The following MYO6 variants were observed in gnomAD, a reference collection of about 807,000 sequenced individuals.
The protein encoded by MYO6 is myosin VI.
MYO6 carries 74 observed loss-of-function variants against 178.7 expected under a neutral mutation model. The observed-to-expected ratio is 0.41, with a 90% CI of 0.34 to 0.50. MYO6 has a LOEUF of 0.50. Ranked by LOEUF, MYO6 falls within the 20% of genes least tolerant of loss-of-function variation. MYO6 has a pLI of 0.09. For missense variants in MYO6, 1,330 were observed against 1,547.4 expected, an observed-to-expected ratio of 0.86 and a Z score of 2.36; for synonymous variants, 477 against 504.6, an observed-to-expected ratio of 0.95 and a Z score of 0.73.
At chr6:75,797,633 AAG>A (rs1293301501) in intron 1 of MYO6, among the ~76,000 whole-genome samples, 6 of 152,100 alleles carry the variant, frequency 3.9e-5, no homozygotes, top group African/African-American at 1.5e-4. Context: ...TTCTGGGCTC[AAG>A]CCATTCTCCT....
chr6:75,765,516 T>C (rs909017963), intron 1 of MYO6, among the ~76,000 whole-genome samples: 46 of 152,184 alleles, frequency 3.0e-4, no homozygotes, highest in African/African-American at 1.1e-3. Context: ...TATAATAAAA[T>C]TCTGTAGGGA....
At chr6:75,769,517 T>G (rs1778730672) in intron 1 of MYO6, among the ~76,000 whole-genome samples, 1 of 152,238 alleles carries the variant, frequency 6.6e-6, no homozygotes, top group African/African-American at 2.4e-5. Context: ...TAATCCCCTT[T>G]GACTCTGTGT....
In MYO6 at chr6:75,855,852, A is replaced by T. The variant is rs149435282; in HGVS notation, c.1223+569A>T. Among the ~76,000 whole-genome samples, 47 of 152,312 alleles carry T rather than the reference A, an allele frequency of 3.1e-4. No homozygotes were observed. The East Asian group carries it at 8.7e-3, about 28-fold the overall frequency. On this transcript the variant is annotated intron_variant, in intron 12 of 34. Transcript: ENST00000369977. ...GTACTGTAGAATAAAATTGACATTCAGCCTTGTCATTCTGAGGCACTGCAG... is the reference window on the plus strand; with the variant it reads ...GTACTGTAGAATAAAATTGACATTCTGCCTTGTCATTCTGAGGCACTGCAG...
chr6:75,749,505 C>G (rs567929454), intron 1 of MYO6, 82 bp downstream of exon 1: 3 of 152,240 alleles, frequency 2.0e-5, no homozygotes, highest in Non-Finnish European at 4.4e-5. Context: ...CGGGCCTCCT[C>G]GAGCAGCTCC....
At chr6:75,761,454 CT>C (rs200437589) in intron 1 of MYO6, among the ~76,000 whole-genome samples, 2 of 151,438 alleles carry the variant, frequency 1.3e-5, no homozygotes, top group African/African-American at 4.9e-5. Flanking sequence ...ACTAATAAGC[CT>C]TTTTTTTGGA....
intron 20 of MYO6, among the ~76,000 whole-genome samples, chr6:75,876,005 C>T (rs1354950132): frequency 6.6e-6 from 1 of 152,186 alleles, no homozygotes; most frequent in African/African-American, 2.4e-5. Context: ...CCCTTCTCTC[C>T]TTCAGTCACC....
chr6:75,787,720 CTCTCTCTCTCTATATATATATA>C (rs1767769754), intron 1 of MYO6, among the ~76,000 whole-genome samples: 3 of 34,488 alleles, frequency 8.7e-5, no homozygotes, highest in African/African-American at 2.4e-4. Context: ...CTCTCTCTCT[CTCTCTCTCTCTATATATATATA>C]TATATATATA....
intron 3 of MYO6, among the ~76,000 whole-genome samples, chr6:75,824,725 C>G (rs1772263443): frequency 1.3e-5 from 2 of 151,772 alleles, no homozygotes; most frequent in Non-Finnish European, 2.9e-5. Context: ...AGTGCCTTAA[C>G]AGTGTAGCAA....
At chr6:75,865,055 T>C (rs928014922) in intron 16 of MYO6, among the ~76,000 whole-genome samples, 28 of 152,268 alleles carry the variant, frequency 1.8e-4, no homozygotes, top group South Asian at 1.0e-3. Flanking sequence ...CTGCTACCTC[T>C]TTAACCTTGA....
chr6:75,888,282 AAAAT>A (rs1203198331), intron 25 of MYO6, among the ~76,000 whole-genome samples: 5 of 151,902 alleles, frequency 3.3e-5, no homozygotes, highest in East Asian at 3.9e-4. Flanking sequence ...ACTACGTCTA[AAAAT>A]AAATAAATAA....
rs190612717 is a variant in MYO6, at chr6:75,812,520, C to T, written c.-47-4981C>T. Among the ~76,000 whole-genome samples the T allele has an allele frequency of 3.5e-3, 535 of 152,114 alleles. 3 individuals are homozygous for T. Among genetic ancestry groups the T allele is most frequent in the African/African-American group, 0.012 (511 of 41,476 alleles). On this transcript the variant is annotated intron_variant, in intron 1 of 34. Coordinates refer to ENST00000369977, the MANE Select transcript of MYO6 (RefSeq NM_004999.4). ...GTAAGTTACTATTGACTGTAGTCACCCTCTTGTGCTATCAAGTACTAGATT... is the reference window on the plus strand; with the variant it reads ...GTAAGTTACTATTGACTGTAGTCACTCTCTTGTGCTATCAAGTACTAGATT...
In MYO6 at chr6:75,907,910, G is replaced by A. The variant is rs571437994; in HGVS notation, c.3280+202G>A. On this transcript the variant is annotated intron_variant, in intron 31 of 34. Transcript: ENST00000369977. ...TGGCAATGCAGTGCTTTCTTTTTAAGGCTATTTTTCTTCCCACAGAACAAT... is the reference window on the plus strand; with the variant it reads ...TGGCAATGCAGTGCTTTCTTTTTAAAGCTATTTTTCTTCCCACAGAACAAT... Among the ~76,000 whole-genome samples, 17 of 152,036 alleles carry A rather than the reference G, an allele frequency of 1.1e-4. No individual in the cohort carries two copies. The East Asian group carries it at 3.3e-3, about 29-fold the overall frequency.
chr6:75,888,817 A>G (rs1393353685), intron 25 of MYO6, among the ~76,000 whole-genome samples: 21 of 152,188 alleles, frequency 1.4e-4, no homozygotes, highest in Non-Finnish European at 3.1e-4. Context: ...CCATGTTAAT[A>G]CATTATCTTC....
chr6:75,867,455 C>G, intron 18 of MYO6: 1 of 233,008 alleles, frequency 4.3e-6, no homozygotes, highest in Non-Finnish European at 8.4e-6. Context: ...CTGGAGTAGT[C>G]CAGCTCGGGA....
intron 1 of MYO6, among the ~76,000 whole-genome samples, chr6:75,811,759 A>T (rs150378527): frequency 6.6e-6 from 1 of 152,204 alleles, no homozygotes; most frequent in African/African-American, 2.4e-5. Context: ...CTTGAAACTG[A>T]CTGGTGGCTT....
At chr6:75,892,818 A>G in intron 28 of MYO6, 128 bp downstream of exon 28, 1 of 948,576 alleles carries the variant, frequency 1.1e-6, no homozygotes, top group South Asian at 1.8e-5. Context: ...TTTGAGCTAA[A>G]ATAATTTTAA....
chr6:75,779,881 C>G (rs1766782950), intron 1 of MYO6, among the ~76,000 whole-genome samples: 1 of 152,174 alleles, frequency 6.6e-6, no homozygotes, highest in South Asian at 2.1e-4. Flanking sequence ...TATCCCATCT[C>G]TAGATTCAAG....
intron 1 of MYO6, among the ~76,000 whole-genome samples, chr6:75,750,649 G>A (rs1487770026): frequency 6.7e-6 from 1 of 150,348 alleles, no homozygotes; most frequent in Non-Finnish European, 1.5e-5. Context: ...CGCTCTGTCA[G>A]CTCACTGCAA....
chr6:75,903,378 A>G (rs1451206625), intron 30 of MYO6, among the ~76,000 whole-genome samples: 1 of 151,568 alleles, frequency 6.6e-6, no homozygotes, highest in Non-Finnish European at 1.5e-5. Context: ...TTTGTAGGTC[A>G]CTCAGGACTT....
Sources: gnomAD v4.1 joint callset for allele counts (sites outside exome capture counted in the v4.1 genomes callset) on GRCh38, gnomAD v4.1.1 for gene constraint, MANE v1.5 for transcripts, NCBI Gene and HGNC (gene_info 2026-07-23, HGNC 2026-07-21) for gene names.